Variants in KIAA1217 observed in about 807,000 individuals in gnomAD.
KIAA1217 encodes the protein KIAA1217.
A neutral mutation model predicts 163.9 loss-of-function variants in KIAA1217; 88 were observed. The observed-to-expected ratio is 0.54, with a 90% CI of 0.45 to 0.64. The LOEUF is 0.64. Ranked by LOEUF, KIAA1217 falls within the 30% of genes least tolerant of loss-of-function variation. KIAA1217 has a pLI of 0.00. For synonymous variants in KIAA1217, 903 were observed against 923.1 expected (o/e 0.98, Z 0.39); for missense variants, 2,372 against 2,475.0 (o/e 0.96, Z 0.88).
At chr10:24,055,896 T>C (rs956160336) in intron 2 of KIAA1217, among the ~76,000 whole-genome samples, 2 of 151,798 alleles carry the variant, frequency 1.3e-5, no homozygotes, top group Non-Finnish European at 2.9e-5. Flanking sequence ...TAACAGGAGC[T>C]GTACATAATA....
intron 2 of KIAA1217, among the ~76,000 whole-genome samples, chr10:24,121,786 C>G (rs1424520154): frequency 6.6e-6 from 1 of 152,038 alleles, no homozygotes; most frequent in Non-Finnish European, 1.5e-5. Context: ...CTGGGGGTTA[C>G]TAACATTTTC....
chr10:23,939,882 A>C (rs965228252), intron 1 of KIAA1217, among the ~76,000 whole-genome samples: 13 of 150,600 alleles, frequency 8.6e-5, no homozygotes, highest in South Asian at 4.2e-4. Flanking sequence ...AGCTATATTA[A>C]ATATAAACTA....
chr10:24,108,784 T>C (rs1002586989), intron 2 of KIAA1217, among the ~76,000 whole-genome samples: 15 of 152,192 alleles, frequency 9.9e-5, no homozygotes, highest in African/African-American at 3.6e-4. Context: ...TAATAAATAA[T>C]GAATGATTGG....
intron 2 of KIAA1217, among the ~76,000 whole-genome samples, chr10:24,118,396 G>T (rs1188480025): frequency 6.6e-6 from 1 of 152,148 alleles, no homozygotes; most frequent in East Asian, 1.9e-4. Flanking sequence ...TGATTCTGCT[G>T]AGCCTAGAAA....
chr10:24,189,117 AAAG>A (rs1335027860), intron 2 of KIAA1217, among the ~76,000 whole-genome samples: 27 of 149,362 alleles, frequency 1.8e-4, no homozygotes, highest in African/African-American at 4.9e-4. Flanking sequence ...AAAAAAAAAA[AAAG>A]AAAAGAAAAA....
intron 1 of KIAA1217, among the ~76,000 whole-genome samples, chr10:23,753,787 G>A (rs1429856880): frequency 6.6e-6 from 1 of 152,144 alleles, no homozygotes; most frequent in East Asian, 1.9e-4. Flanking sequence ...AAGAACTTTT[G>A]AAGAACCATC....
intron 2 of KIAA1217, among the ~76,000 whole-genome samples, chr10:24,104,672 G>A (rs1007072672): frequency 5.9e-5 from 9 of 152,272 alleles, no homozygotes; most frequent in Non-Finnish European, 8.8e-5. Flanking sequence ...TGAAAATGAA[G>A]TGCCAATGTA....
intron 1 of KIAA1217, among the ~76,000 whole-genome samples, chr10:23,840,872 C>T (rs11013744): frequency 6.6e-6 from 1 of 152,096 alleles, no homozygotes; most frequent in South Asian, 2.1e-4. Flanking sequence ...TTGCATTTTT[C>T]CCATCTTCTA....
chr10:24,014,274 C>T (rs190043296), intron 2 of KIAA1217, among the ~76,000 whole-genome samples: 4 of 152,196 alleles, frequency 2.6e-5, no homozygotes, highest in South Asian at 4.1e-4. Context: ...CTATTTAATA[C>T]GCTCTGGCAA....
intron 1 of KIAA1217, among the ~76,000 whole-genome samples, chr10:23,732,896 A>T (rs532007577): frequency 6.6e-6 from 1 of 152,198 alleles, no homozygotes; most frequent in South Asian, 2.1e-4. Context: ...AATCTTCAAA[A>T]TGATCAGCTT....
chr10:24,383,508 G>T (rs766377858), intron 3 of KIAA1217, among the ~76,000 whole-genome samples: 5 of 152,192 alleles, frequency 3.3e-5, no homozygotes, highest in Non-Finnish European at 7.3e-5. Flanking sequence ...TTCGCACGGG[G>T]TGGCCACGCT....
At position 23,924,866 on chromosome 10, in the gene KIAA1217, C is replaced by G. The variant is rs1279932297; in HGVS notation, c.-320-82359C>G. Among the ~76,000 whole-genome samples the G allele has an allele frequency of 5.5e-5, 8 of 145,512 alleles. No individual in the cohort carries two copies. The South Asian group carries it at 1.3e-3, about 23-fold the overall frequency. On this transcript the variant is annotated intron_variant, in intron 1 of 18. Transcript: ENST00000376462. ...CAAATGCTATTAAACTAGGATGTGG[C>G]GTTAGCTGTTATGGAAAAAAAAATA... is the stretch of plus-strand genomic sequence containing the variant.
At chr10:24,489,543 A>T (rs985153093) in intron 6 of KIAA1217, among the ~76,000 whole-genome samples, 1 of 152,114 alleles carries the variant, frequency 6.6e-6, no homozygotes, top group Non-Finnish European at 1.5e-5. Flanking sequence ...CTAGTCAAAA[A>T]AAAAAAAATC....
chr10:24,218,226 T>C (rs1266664444), intron 1 of KIAA1217, among the ~76,000 whole-genome samples: 1 of 152,162 alleles, frequency 6.6e-6, no homozygotes, highest in Non-Finnish European at 1.5e-5. Context: ...TATTCATACC[T>C]GACACCCCAT....
chr10:24,067,951 G>A lies in KIAA1217; in HGVS notation c.-171+60577G>A, dbSNP rs143562041. Reference sequence around the variant, plus strand: ...GTAGGACCCTCAGAGCCTTGTGCAGGATATAATCTCCTGGTGTGCCGTTTG... The same window carrying A: ...GTAGGACCCTCAGAGCCTTGTGCAGAATATAATCTCCTGGTGTGCCGTTTG... On this transcript the variant is annotated intron_variant, in intron 2 of 18. Transcript: ENST00000376462. Among the ~76,000 whole-genome samples the A allele has an allele frequency of 2.7e-3, 416 of 152,332 alleles. 3 individuals carry two copies. The highest frequency in any genetic ancestry group is 9.4e-3 in the African/African-American group (389 of 41,578).
At chr10:23,795,709 G>C (rs934217798) in intron 1 of KIAA1217, among the ~76,000 whole-genome samples, 2 of 152,082 alleles carry the variant, frequency 1.3e-5, no homozygotes, top group African/African-American at 2.4e-5. Flanking sequence ...GACTCTCTTC[G>C]GGCCCATCAG....
At chr10:23,785,026 A>G (rs993956156) in intron 1 of KIAA1217, among the ~76,000 whole-genome samples, 6 of 152,208 alleles carry the variant, frequency 3.9e-5, no homozygotes, top group African/African-American at 1.4e-4. Flanking sequence ...TGATATTTCT[A>G]ACATGAAAAT....
At chr10:24,061,850 C>A (rs1396581492) in intron 2 of KIAA1217, among the ~76,000 whole-genome samples, 3 of 152,018 alleles carry the variant, frequency 2.0e-5, no homozygotes, top group Non-Finnish European at 4.4e-5. Flanking sequence ...TTATAACGTG[C>A]CTTTGTGTAT....
At chr10:24,396,409 C>T (rs906859050) in intron 3 of KIAA1217, among the ~76,000 whole-genome samples, 2 of 152,102 alleles carry the variant, frequency 1.3e-5, no homozygotes, top group Admixed American at 6.5e-5. Context: ...CAGCCACAAA[C>T]CTCTGGCTTC....
Sources: allele counts gnomAD v4.1 joint callset (sites outside exome capture counted in the v4.1 genomes callset), GRCh38; gene constraint gnomAD v4.1.1; transcripts MANE v1.5; gene names NCBI Gene and HGNC (gene_info 2026-07-23, HGNC 2026-07-21).